The following TTC17 variants were observed in gnomAD, a reference collection of about 807,000 sequenced individuals.
The protein encoded by TTC17 is tetratricopeptide repeat domain 17.
TTC17 carries 58 observed loss-of-function variants against 143.8 expected under a neutral mutation model. The ratio of observed to expected loss-of-function variants is 0.40; its 90% CI spans 0.33 to 0.50. The LOEUF (loss-of-function observed/expected upper bound fraction) is 0.50, where lower values mean the gene tolerates loss of function less well. TTC17 is among the 20% of genes least tolerant of loss of function. TTC17 has a pLI of 0.49. For missense variants in TTC17, 1,273 were observed against 1,392.5 expected (o/e 0.91, Z 1.37); for synonymous variants, 501 against 497.8 (o/e 1.01, Z -0.09).
At chr11:43,406,050 CT>C (rs1369939440) in intron 13 of TTC17, 99 bp downstream of exon 13, 9 of 1,337,946 alleles carry the variant, frequency 6.7e-6, no homozygotes, top group African/African-American at 1.5e-5. Flanking sequence ...AGCTGTTGAG[CT>C]TTAAGTGTAT....
chr11:43,409,761 G>A lies in TTC17; in HGVS notation c.2064+2184G>A, dbSNP rs112435487. On this transcript the variant is annotated intron_variant, in intron 15 of 23. Coordinates refer to ENST00000039989, the MANE Select transcript of TTC17 (RefSeq NM_018259.6). ...AATTAACATTTATAAAACAAGTTTC[G>A]CTTGCTTAAAAATACCACCTCTCCG... Among the ~76,000 whole-genome samples the A allele has an allele frequency of 4.5e-3, 681 of 152,122 alleles. 5 individuals carry two copies. Among genetic ancestry groups the A allele is most frequent in the African/African-American group, 0.016 (654 of 41,514 alleles).
chr11:43,493,564 A>C (rs546933635), intron 23 of TTC17, among the ~76,000 whole-genome samples: 4 of 152,138 alleles, frequency 2.6e-5, no homozygotes, highest in Non-Finnish European at 5.9e-5. Context: ...TCCTTTGTTC[A>C]TCCCATACCT....
intron 16 of TTC17, among the ~76,000 whole-genome samples, chr11:43,426,630 A>G (rs1285908537): frequency 6.6e-6 from 1 of 152,176 alleles, no homozygotes; most frequent in Non-Finnish European, 1.5e-5. Context: ...TGCTACCTCT[A>G]CCAATGCAAA....
intron 7 of TTC17, 47 bp from the exon 8 acceptor site, chr11:43,397,922 GTGTGT>G: frequency 9.9e-7 from 1 of 1,014,158 alleles, no homozygotes; most frequent in Non-Finnish European, 1.4e-6. Context: ...GTGTGTGTGT[GTGTGT>G]GTGTGTGTGT....
chr11:43,451,944 G>A (rs963444685), intron 21 of TTC17, among the ~76,000 whole-genome samples: 1 of 152,110 alleles, frequency 6.6e-6, no homozygotes, highest in Non-Finnish European at 1.5e-5. Flanking sequence ...ATCGCACATG[G>A]AAAAATCATC....
intron 2 of TTC17, among the ~76,000 whole-genome samples, chr11:43,380,332 T>TGCA (rs780924554): frequency 2.1e-4 from 32 of 152,322 alleles, no homozygotes; most frequent in Admixed American, 1.6e-3. Flanking sequence ...CTTGGCTTGC[T>TGCA]GCAACCTCCA....
intron 23 of TTC17, among the ~76,000 whole-genome samples, chr11:43,493,477 C>T (rs1354895216): frequency 6.6e-6 from 1 of 152,144 alleles, no homozygotes; most frequent in African/African-American, 2.4e-5. Flanking sequence ...CTCATTATTA[C>T]CACAATTATT....
intron 1 of TTC17, among the ~76,000 whole-genome samples, chr11:43,377,120 C>G (rs1856789976): frequency 6.6e-6 from 1 of 151,998 alleles, no homozygotes; most frequent in Non-Finnish European, 1.5e-5. Context: ...GGTGAAACTC[C>G]ATCTCTACTA....
chr11:43,473,296 A>G (rs1948124771), intron 21 of TTC17, among the ~76,000 whole-genome samples: 1 of 152,232 alleles, frequency 6.6e-6, no homozygotes. Context: ...GAAATGAATG[A>G]TACAGTGTAA....
intron 10 of TTC17, among the ~76,000 whole-genome samples, chr11:43,402,564 T>A (rs1191432212): frequency 2.0e-5 from 3 of 152,046 alleles, no homozygotes; most frequent in Non-Finnish European, 4.4e-5. Context: ...ACAGCCAGAA[T>A]TCTGAGTATA....
intron 5 of TTC17, among the ~76,000 whole-genome samples, chr11:43,393,664 T>G (rs559337678): frequency 6.6e-6 from 1 of 152,302 alleles, no homozygotes; most frequent in South Asian, 2.1e-4. Context: ...GATCATGCCT[T>G]GGCTTTTCTG....
chr11:43,398,159 C>T (rs765608987), intron 8 of TTC17, 46 bp downstream of exon 8: 2 of 1,607,044 alleles, frequency 1.2e-6, no homozygotes, highest in South Asian at 1.1e-5. Context: ...ACTATCGAAC[C>T]TTAGGTTAAA....
chr11:43,399,844 G>A (rs905696344), intron 8 of TTC17, 44 bp from the exon 9 acceptor site: 35 of 1,550,600 alleles, frequency 2.3e-5, no homozygotes, highest in Non-Finnish European at 2.9e-5. Context: ...TAAAATTTAT[G>A]ATTTTATAGC....
rs192391950 is a variant in TTC17, at chr11:43,420,552, G to A, written c.2251+5776G>A. On this transcript the variant is annotated intron_variant, in intron 16 of 23. Coordinates refer to ENST00000039989, the MANE Select transcript of TTC17 (RefSeq NM_018259.6). ...GCCACATAGCCTTCTATTTTACGTG[G>A]AAGATGTTATGCCTGTACTTTTGTA... 9.2e-5 allele frequency among the ~76,000 whole-genome samples: 14 copies of A among 152,268 alleles called. No individual in the cohort carries two copies. The East Asian group carries it at 2.5e-3, about 27-fold the overall frequency.
At chr11:43,488,071 T>TA (rs1438086411) in intron 21 of TTC17, among the ~76,000 whole-genome samples, 36 of 152,294 alleles carry the variant, frequency 2.4e-4, no homozygotes, top group African/African-American at 8.4e-4. Flanking sequence ...GTTCAACCCA[T>TA]AGCAGTGATC....
intron 1 of TTC17, among the ~76,000 whole-genome samples, chr11:43,360,353 A>C (rs1373010738): frequency 6.6e-6 from 1 of 152,216 alleles, no homozygotes; most frequent in Non-Finnish European, 1.5e-5. Context: ...TTGCCATACT[A>C]TCTGAGACTT....
chr11:43,494,107 C>G lies in TTC17; in HGVS notation c.*203C>G. 1 of 568,452 alleles carries G rather than the reference C, an allele frequency of 1.8e-6. No individual in the cohort carries two copies. Among genetic ancestry groups the G allele is most frequent in the Admixed American group, 3.6e-5 (1 of 28,120 alleles). 35.2% of individuals were successfully genotyped at this position (568,452 alleles called of 1,614,324 possible). A position where few individuals can be genotyped will look rare whatever the true frequency, so the allele number is the denominator to read the frequency against. On this transcript the variant is annotated 3_prime_UTR_variant, in exon 24 of 24. Coordinates refer to ENST00000039989, the MANE Select transcript of TTC17 (RefSeq NM_018259.6). Reference sequence around the variant, plus strand: ...CCCCAACCAACCTCAGAAGAGGCACCTTCAGAAACACACATTTCTTAAAAG... The same window carrying G: ...CCCCAACCAACCTCAGAAGAGGCACGTTCAGAAACACACATTTCTTAAAAG...
At chr11:43,391,657 C>G in intron 4 of TTC17, 81 bp downstream of exon 4, 1 of 1,227,852 alleles carries the variant, frequency 8.1e-7, no homozygotes, top group Non-Finnish European at 1.1e-6. Context: ...AAGACCATTT[C>G]TCTTTCTTCT....
chr11:43,383,039 A>G (rs1857031775), intron 2 of TTC17, among the ~76,000 whole-genome samples: 1 of 152,008 alleles, frequency 6.6e-6, no homozygotes, highest in South Asian at 2.1e-4. Context: ...AGCTGGGACC[A>G]CAGGCGTGCA....
Sources: allele counts gnomAD v4.1 joint callset (sites outside exome capture counted in the v4.1 genomes callset), GRCh38; gene constraint gnomAD v4.1.1; transcripts MANE v1.5; gene names NCBI Gene and HGNC (gene_info 2026-07-23, HGNC 2026-07-21).